The following GATB variants were observed in gnomAD, a reference collection of about 807,000 sequenced individuals.
GATB encodes the protein glutamyl-tRNA(Gln) amidotransferase subunit B, mitochondrial.
GATB carries 39 observed loss-of-function variants against 62.3 expected under a neutral mutation model. That is an observed-to-expected ratio of 0.63 (90% CI 0.48 to 0.82). The LOEUF (loss-of-function observed/expected upper bound fraction) is 0.82, where lower values mean the gene tolerates loss of function less well. Among genes scored for constraint, GATB ranks in the 40% least tolerant of loss-of-function variants. GATB has a pLI of 0.00. For synonymous variants in GATB, 276 were observed against 258.9 expected (o/e 1.07, Z -0.63); for missense variants, 670 against 684.0 (o/e 0.98, Z 0.23).
Position 151,701,528 on chromosome 4 carries a change from C to A in GATB, c.1008-10G>T. 6.7e-7 allele frequency: 1 copy of A among 1,485,516 alleles called. No homozygotes were observed. Among genetic ancestry groups the A allele is most frequent in the South Asian group, 1.4e-5 (1 of 70,996 alleles). 92.0% of individuals were successfully genotyped at this position (1,485,516 alleles called of 1,614,324 possible). ...GGGTTCTGGCATGAACCTGGGCAGA[C>A]AGAGGAGACGGGACCTGAATCTGGA... On this transcript the variant is annotated splice_polypyrimidine_tract_variant and intron_variant, in intron 8 of 12. Coordinates refer to ENST00000263985, the MANE Select transcript of GATB (RefSeq NM_004564.3).
chr4:151,691,900 G>A (rs1290454421), intron 9 of GATB, among the ~76,000 whole-genome samples: 1 of 152,188 alleles, frequency 6.6e-6, no homozygotes, highest in East Asian at 1.9e-4. Context: ...CTGGTTATGT[G>A]ACAGGGAGCG....
In GATB at chr4:151,678,827, T is replaced by C. The variant is rs538269044; in HGVS notation, c.1410+986A>G. Among the ~76,000 whole-genome samples the C allele has an allele frequency of 3.7e-4, 56 of 152,358 alleles. 1 individual carries two copies. The highest frequency in any genetic ancestry group is 6.8e-3 in the Middle Eastern group (2 of 294). ...CTGGCTGAAGCATTGACAGCTGCGATCACTGAAGCTGAGATGAGGCAGCCA... is the reference window on the plus strand; with the variant it reads ...CTGGCTGAAGCATTGACAGCTGCGACCACTGAAGCTGAGATGAGGCAGCCA... On this transcript the variant is annotated intron_variant, in intron 11 of 12. Coordinates refer to ENST00000263985, the MANE Select transcript of GATB (RefSeq NM_004564.3).
chr4:151,750,761 C>T (rs961679136), intron 2 of GATB, among the ~76,000 whole-genome samples: 6 of 150,512 alleles, frequency 4.0e-5, no homozygotes, highest in Non-Finnish European at 1.5e-5. Flanking sequence ...CCACAAGCAG[C>T]GGACTACAGG....
chr4:151,678,768 A>T (rs1417941836), intron 11 of GATB, among the ~76,000 whole-genome samples: 3 of 152,274 alleles, frequency 2.0e-5, no homozygotes, highest in African/African-American at 7.2e-5. Context: ...TAAACGTTAC[A>T]TGCAAAAGGC....
chr4:151,756,616 T>C (rs1739835558), intron 2 of GATB, among the ~76,000 whole-genome samples: 1 of 152,208 alleles, frequency 6.6e-6, no homozygotes, highest in African/African-American at 2.4e-5. Context: ...CAAAACTGTA[T>C]TTCCAGACTT....
intron 10 of GATB, among the ~76,000 whole-genome samples, chr4:151,688,020 A>G (rs752959494): frequency 1.1e-4 from 17 of 152,214 alleles, no homozygotes; most frequent in Non-Finnish European, 2.2e-4. Flanking sequence ...ACAGTTCTCC[A>G]GGTGGCCCTT....
intron 11 of GATB, among the ~76,000 whole-genome samples, chr4:151,678,127 AGGC>A (rs1172141949): frequency 1.3e-5 from 2 of 152,202 alleles, no homozygotes; most frequent in Non-Finnish European, 2.9e-5. Flanking sequence ...AAAAACCCCA[AGGC>A]AATGATACAT....
At chr4:151,735,341 T>C (rs1432833101) in intron 2 of GATB, among the ~76,000 whole-genome samples, 1 of 150,236 alleles carries the variant, frequency 6.7e-6, no homozygotes, top group Non-Finnish European at 1.5e-5. Flanking sequence ...TATGAAAAAA[T>C]GCTCAACATC....
chr4:151,722,390 A>C, intron 2 of GATB: 1 of 572,446 alleles, frequency 1.7e-6, no homozygotes, highest in South Asian at 2.3e-5. Context: ...AAAATTGTGG[A>C]TCTGTGGCAT....
At chr4:151,702,674 G>C (rs916913834) in intron 8 of GATB, among the ~76,000 whole-genome samples, 14 of 152,154 alleles carry the variant, frequency 9.2e-5, no homozygotes, top group African/African-American at 2.7e-4. Flanking sequence ...AAAATGAAGG[G>C]AATTAATTTT....
At chr4:151,716,438 A>G (rs1378441675) in intron 4 of GATB, among the ~76,000 whole-genome samples, 1 of 152,028 alleles carries the variant, frequency 6.6e-6, no homozygotes, top group African/African-American at 2.4e-5. Flanking sequence ...GTATGGCACC[A>G]CACCTAGGTG....
In GATB at chr4:151,740,061, C is replaced by T. The variant is rs74503220; in HGVS notation, c.327+18711G>A. Among the ~76,000 whole-genome samples the T allele has an allele frequency of 6.2e-3, 939 of 152,324 alleles. 9 individuals are homozygous for T. Among genetic ancestry groups the T allele is most frequent in the African/African-American group, 0.021 (865 of 41,570 alleles). ...CTAAAAAGCATATGGCTAAACATCACGTTGCATTTTTCAATCAAGCTATTA... is the reference window on the plus strand; with the variant it reads ...CTAAAAAGCATATGGCTAAACATCATGTTGCATTTTTCAATCAAGCTATTA... On this transcript the variant is annotated intron_variant, in intron 2 of 12. Transcript: ENST00000263985.
intron 5 of GATB, among the ~76,000 whole-genome samples, chr4:151,713,263 T>C (rs1273298485): frequency 2.0e-5 from 3 of 152,130 alleles, no homozygotes; most frequent in Non-Finnish European, 2.9e-5. Context: ...AATGTAATAA[T>C]AGAAATAAAG....
In GATB at chr4:151,671,244, C is replaced by G; in HGVS notation, c.1604G>C (p.Arg535Pro). The G allele has an allele frequency of 6.2e-7, 1 of 1,613,956 alleles. No individual in the cohort carries two copies. The highest frequency in any genetic ancestry group is 8.5e-7 in the Non-Finnish European group (1 of 1,179,884). ...ATCTGCTCGGCTTTGAGTCGCTTTC[C>G]GGACCAACCCAATCAGTTTATTTAT... The part of the protein sequence containing the change: ...RAINKLIGLV[R>P]KATQSRADPV... Residue 535 changes from arginine (R) to proline (P), a missense_variant, in exon 13 of 13, where the codon CGG becomes CCG. Physicochemically the swap from Arg to Pro is moderately radical, Grantham distance 103 (BLOSUM62 -2). Coordinates refer to ENST00000263985, the MANE Select transcript of GATB (RefSeq NM_004564.3).
At chr4:151,715,939 C>T in intron 5 of GATB, 70 bp downstream of exon 5, 1 of 1,517,398 alleles carries the variant, frequency 6.6e-7, no homozygotes, top group Non-Finnish European at 8.9e-7. Context: ...GAAAATAAAA[C>T]TAAAGTCAGA....
At chr4:151,705,074 A>G (rs1738687586) in intron 7 of GATB, 111 bp downstream of exon 7, 1 of 692,698 alleles carries the variant, frequency 1.4e-6, no homozygotes. Flanking sequence ...GAAACCTAAA[A>G]GTGGAGACGC....
intron 9 of GATB, among the ~76,000 whole-genome samples, chr4:151,697,265 T>C (rs1038221833): frequency 2.0e-5 from 3 of 152,152 alleles, no homozygotes; most frequent in Non-Finnish European, 4.4e-5. Context: ...ATAAAGAAGT[T>C]GTGGTATATC....
intron 10 of GATB, among the ~76,000 whole-genome samples, chr4:151,686,083 GA>G (rs1738238898): frequency 2.0e-5 from 3 of 151,886 alleles, no homozygotes; most frequent in Admixed American, 1.3e-4. Flanking sequence ...AAAAGACAAA[GA>G]GGCAGCAGAT....
rs935969360 is a variant in GATB at position 151,730,324 on chromosome 4, T to C, written c.328-10786A>G. Among the ~76,000 whole-genome samples, 65 of 152,228 alleles carry C rather than the reference T, an allele frequency of 4.3e-4. No individual in the cohort carries two copies. Among genetic ancestry groups the C allele is most frequent in the South Asian group, 2.1e-4 (1 of 4,832 alleles). On this transcript the variant is annotated intron_variant, in intron 2 of 12. Coordinates refer to ENST00000263985, the MANE Select transcript of GATB (RefSeq NM_004564.3). The surrounding 1 kb of genome is among the most constrained non-coding windows in gnomAD (Gnocchi z 4.1). ...CATGCCTAGCCCTGCTGCCACCTGA[T>C]GGTCCTTCCCTACTCAACCTGGTAA...
Sources: allele counts gnomAD v4.1 joint callset (sites outside exome capture counted in the v4.1 genomes callset), GRCh38; gene constraint gnomAD v4.1.1; non-coding constraint Gnocchi (gnomAD v3.1); transcripts MANE v1.5; gene names NCBI Gene and HGNC (gene_info 2026-07-23, HGNC 2026-07-21).